Variants in ADAMTS6 observed in about 807,000 individuals in gnomAD.
The protein encoded by ADAMTS6 is ADAM metallopeptidase with thrombospondin type 1 motif 6, also known as A disintegrin and metalloproteinase with thrombospondin motifs 6.
ADAMTS6 carries 23 observed loss-of-function variants against 144.3 expected under a neutral mutation model. That is an observed-to-expected ratio of 0.16 (90% confidence interval 0.11 to 0.23). ADAMTS6 has a LOEUF of 0.23. Among genes scored for constraint, ADAMTS6 ranks in the 10% least tolerant of loss-of-function variants. ADAMTS6 has a pLI of 1.00. For synonymous variants in ADAMTS6, 444 were observed against 457.5 expected (o/e 0.97, Z 0.38); for missense variants, 999 against 1,379.6 (o/e 0.72, Z 4.37).
intron 9 of ADAMTS6, among the ~76,000 whole-genome samples, chr5:65,312,716 T>C (rs1744616195): frequency 6.6e-6 from 1 of 152,056 alleles, no homozygotes; most frequent in Admixed American, 6.6e-5. Context: ...AAGTTTCCAA[T>C]AGTCAAAGAA....
chr5:65,409,960 AG>A (rs558164667), intron 7 of ADAMTS6, among the ~76,000 whole-genome samples: 109 of 152,344 alleles, frequency 7.2e-4, no homozygotes, highest in Admixed American at 2.3e-3. Flanking sequence ...GTTACATAAA[AG>A]GTTTGACCGC....
At chr5:65,333,976 T>C (rs1354323911) in intron 8 of ADAMTS6, 66 bp downstream of exon 8, 1 of 1,043,304 alleles carries the variant, frequency 9.6e-7, no homozygotes, top group African/African-American at 3.4e-5. Context: ...AAAAAGACAA[T>C]CAGAACCATT....
intron 9 of ADAMTS6, among the ~76,000 whole-genome samples, chr5:65,322,815 T>A (rs1745755468): frequency 6.6e-6 from 1 of 152,176 alleles, no homozygotes; most frequent in African/African-American, 2.4e-5. Context: ...TAGGATCATG[T>A]CATCTGCAAA....
In ADAMTS6 at chr5:65,188,042, G is replaced by A. The variant is rs1754778680; in HGVS notation, c.2884C>T (p.Gln962Ter). The A allele has an allele frequency of 6.2e-7, 1 of 1,614,092 alleles. No individual in the cohort carries two copies. Among genetic ancestry groups the A allele is most frequent in the Non-Finnish European group, 8.5e-7 (1 of 1,179,984 alleles). Residue 962 changes from glutamine to a stop codon, truncating the protein, a stop_gained, in exon 22 of 25, where the codon CAG becomes TAG. Transcript: ENST00000381055. LOFTEE classifies it high-confidence loss of function. ...TCAGACCAGTCCAAAGCCACCCACT[G>A]TGGTGGACATGACTGGTTGTTGCAG... ...EPCNNQSCPP[Q>*]WVALDWSECT...
intron 3 of ADAMTS6, among the ~76,000 whole-genome samples, chr5:65,469,495 G>C (rs149821149): frequency 2.0e-4 from 31 of 152,196 alleles, no homozygotes; most frequent in Non-Finnish European, 4.0e-4. Flanking sequence ...AAAAGTTTTA[G>C]AACACATTTT....
At chr5:65,406,679 T>C (rs1754535073) in intron 7 of ADAMTS6, among the ~76,000 whole-genome samples, 2 of 152,092 alleles carry the variant, frequency 1.3e-5, no homozygotes, top group Admixed American at 1.3e-4. Flanking sequence ...GTTGGGAGGA[T>C]TGCTTCTTTT....
chr5:65,168,708 CAG>C (rs1258186122), intron 24 of ADAMTS6, among the ~76,000 whole-genome samples: 11 of 129,636 alleles, frequency 8.5e-5, no homozygotes, highest in African/African-American at 2.8e-4. Context: ...TGGAACAGAA[CAG>C]AGCCCTCAGA....
intron 7 of ADAMTS6, among the ~76,000 whole-genome samples, chr5:65,429,402 G>A (rs1037533853): frequency 6.6e-6 from 1 of 152,058 alleles, no homozygotes; most frequent in African/African-American, 2.4e-5. Flanking sequence ...AGGCTCCAGT[G>A]TCGCATAAAA....
intron 15 of ADAMTS6, 139 bp from the exon 16 acceptor site, chr5:65,226,358 C>T (rs868591507): frequency 2.3e-6 from 2 of 866,930 alleles, no homozygotes. Flanking sequence ...TTTCTTTCCC[C>T]CTTTTCTAAA....
Position 65,291,403 on chromosome 5 carries a change from G to C in ADAMTS6, c.1438C>G (p.Pro480Ala), listed in dbSNP as rs1219759095. 2 of 1,613,888 alleles carry C rather than the reference G, an allele frequency of 1.2e-6. No individual in the cohort carries two copies. Among genetic ancestry groups the C allele is most frequent in the East Asian group, 2.2e-5 (1 of 44,854 alleles). ...KRDFLYPAVA[P>A]GQVYDADEQC... ...TCATCAGCATCATACACCTGACCTG[G>C]GGCCACAGCTGGATAAAGAAAGTCA... Residue 480 changes from proline (P) to alanine (A), a missense_variant, in exon 11 of 25, where the codon CCA becomes GCA. Pro to Ala is a conservative substitution (Grantham distance 27). Transcript: ENST00000381055.
At chr5:65,454,221 A>G (rs961848910) in intron 4 of ADAMTS6, among the ~76,000 whole-genome samples, 17 of 152,142 alleles carry the variant, frequency 1.1e-4, no homozygotes, top group African/African-American at 4.1e-4. Flanking sequence ...CCAGAACCAT[A>G]TGCTAAGTAA....
In ADAMTS6 at chr5:65,187,989, T is replaced by C. The variant is rs1247190405; in HGVS notation, c.2910+27A>G. ...TAGATAGTTAGGACATTTCAAAACA[T>C]ATACATATAGCCTCAGATTTCCTTA... On this transcript the variant is annotated intron_variant, in intron 22 of 24. Transcript: ENST00000381055. The C allele has an allele frequency of 2.5e-6, 4 of 1,610,710 alleles. No individual in the cohort carries two copies. The African/African-American group carries it at 4.0e-5, about 16-fold the overall frequency.
At chr5:65,239,216 T>C (rs1008966405) in intron 15 of ADAMTS6, among the ~76,000 whole-genome samples, 1 of 150,040 alleles carries the variant, frequency 6.7e-6, no homozygotes, top group Non-Finnish European at 1.5e-5. Flanking sequence ...CGTATACATA[T>C]GTAACAAACC....
At chr5:65,361,714 T>C (rs144396779) in intron 7 of ADAMTS6, among the ~76,000 whole-genome samples, 36 of 152,190 alleles carry the variant, frequency 2.4e-4, no homozygotes, top group African/African-American at 8.2e-4. Context: ...ATTTTTACTA[T>C]GGTGATTTTT....
intron 20 of ADAMTS6, among the ~76,000 whole-genome samples, chr5:65,212,423 C>G (rs1255575080): frequency 6.5e-5 from 7 of 107,842 alleles, no homozygotes; most frequent in Non-Finnish European, 1.3e-4. Context: ...TTTTCTCTCT[C>G]TTTTTTTTTT....
chr5:65,224,850 G>C, intron 17 of ADAMTS6, 74 bp downstream of exon 17: 1 of 1,463,626 alleles, frequency 6.8e-7, no homozygotes, highest in Non-Finnish European at 9.1e-7. Context: ...GAAAAACAGG[G>C]GGAGGCGAAG....
intron 7 of ADAMTS6, among the ~76,000 whole-genome samples, chr5:65,428,190 C>T (rs1441736825): frequency 3.1e-5 from 4 of 130,280 alleles, no homozygotes; most frequent in East Asian, 2.2e-4. Flanking sequence ...TGCACTATTG[C>T]ATTCCAGCCT....
At position 65,214,461 on chromosome 5, in the gene ADAMTS6, A is replaced by G. The variant is rs1408966166; in HGVS notation, c.2575+333T>C. The stretch of plus-strand genomic sequence containing the variant: ...CATCTGTGATGTCTGATTCTTGCTC[A>G]TTTTCTTTTTTAAAACTTTTGATGT... On this transcript the variant is annotated intron_variant, in intron 20 of 24. Transcript: ENST00000381055. This position sits in a 1 kb window ranked among gnomAD's most constrained non-coding sequence, Gnocchi z 4.6. 1 of 376,044 alleles carries G rather than the reference A, an allele frequency of 2.7e-6. No homozygotes were observed. Among genetic ancestry groups the G allele is most frequent in the Non-Finnish European group, 5.1e-6 (1 of 197,028 alleles). The allele number at this position is 376,044 out of a possible 1,614,324, so 23.3% of individuals were successfully genotyped here.
intron 7 of ADAMTS6, among the ~76,000 whole-genome samples, chr5:65,419,175 G>C (rs1755805726): frequency 6.6e-6 from 1 of 152,164 alleles, no homozygotes; most frequent in South Asian, 2.1e-4. Flanking sequence ...ACTGGATAAA[G>C]AAAATGTGGT....
Sources: gnomAD v4.1 joint callset for allele counts (sites outside exome capture counted in the v4.1 genomes callset) on GRCh38, gnomAD v4.1.1 for gene constraint, Gnocchi (gnomAD v3.1) non-coding constraint, MANE v1.5 for transcripts, NCBI Gene and HGNC (gene_info 2026-07-23, HGNC 2026-07-21) for gene names.